The following RAB19 variants were observed in gnomAD, a reference collection of about 807,000 sequenced individuals.
RAB19 encodes ras-related protein Rab-19.
Under a neutral mutation model 17.3 loss-of-function variants are expected in RAB19, and 21 were observed. The observed-to-expected ratio is 1.21, with a 90% confidence interval of 0.86 to 1.74. The LOEUF (loss-of-function observed/expected upper bound fraction) is 1.74. RAB19 is among the 40% of genes most tolerant of loss of function. The probability of loss-of-function intolerance (pLI) is 0.00; values close to 1 mark genes in which losing one functional copy is unlikely to be tolerated. For synonymous variants in RAB19, 126 were observed against 110.4 expected (o/e 1.14, Z -0.88); for missense variants, 277 against 286.8 (o/e 0.97, Z 0.25).
chr7:140,421,029 A>T (rs547704863), intron 3 of RAB19, among the ~76,000 whole-genome samples: 121 of 151,252 alleles, frequency 8.0e-4, no homozygotes, highest in African/African-American at 2.7e-3. Flanking sequence ...AGTAGCTGGG[A>T]TTATAGGCGC....
intron 3 of RAB19, among the ~76,000 whole-genome samples, chr7:140,418,428 C>T (rs1031968405): frequency 1.8e-4 from 27 of 147,702 alleles, no homozygotes; most frequent in Admixed American, 3.4e-4. Context: ...AAAAATTAGC[C>T]GGGCGTGGCA....
chr7:140,407,554 T>C (rs1799265881), intron 1 of RAB19, 70 bp from the exon 2 acceptor site: 1 of 1,111,172 alleles, frequency 9.0e-7, no homozygotes, highest in Middle Eastern at 2.3e-4. Context: ...GTGAAGGTAA[T>C]GACCTCCCTT....
At chr7:140,418,520 G>A (rs1799502454) in intron 3 of RAB19, among the ~76,000 whole-genome samples, 1 of 151,160 alleles carries the variant, frequency 6.6e-6, no homozygotes, top group Non-Finnish European at 1.5e-5. Flanking sequence ...AGGTTGCGGT[G>A]AGCCGAGATT....
rs74881626 is a variant in RAB19, at chr7:140,425,861, C to T, written c.386-21C>T. 1.0e-3 allele frequency: 1,662 copies of T among 1,591,356 alleles called. 15 individuals carry two copies. In the African/African-American group the frequency reaches 0.019, roughly 18 times the overall value. On this transcript the variant is annotated intron_variant, in intron 3 of 3. Coordinates refer to ENST00000537763, the MANE Select transcript of RAB19 (RefSeq NM_001008749.3). ...CAGATTAAGTTACTCAATGGAATAT[C>T]GGCTTATCTTTTCCTTCCAGGAAAT...
At chr7:140,413,083 A>G (rs551106946) in intron 3 of RAB19, among the ~76,000 whole-genome samples, 3 of 152,030 alleles carry the variant, frequency 2.0e-5, no homozygotes, top group Non-Finnish European at 2.9e-5. Context: ...CTGAGACTAT[A>G]CCATTGCACT....
intron 1 of RAB19, among the ~76,000 whole-genome samples, chr7:140,405,340 C>G (rs534595491): frequency 1.9e-4 from 29 of 152,144 alleles, no homozygotes; most frequent in Admixed American, 4.6e-4. Flanking sequence ...CCTGCCTTAG[C>G]CTCCCAAGTA....
At chr7:140,421,930 C>T (rs1430659405) in intron 3 of RAB19, among the ~76,000 whole-genome samples, 1 of 152,162 alleles carries the variant, frequency 6.6e-6, no homozygotes, top group African/African-American at 2.4e-5. Context: ...TAATTGAAAT[C>T]ATCAAGATTA....
intron 3 of RAB19, among the ~76,000 whole-genome samples, chr7:140,418,577 TAA>T (rs1323234231): frequency 2.7e-4 from 34 of 126,894 alleles, no homozygotes; most frequent in Admixed American, 2.4e-4. Context: ...CTCTGTCTCT[TAA>T]AAAAAAAAAA....
intron 3 of RAB19, 107 bp from the exon 4 acceptor site, chr7:140,425,775 A>C (rs1799654602): frequency 8.5e-7 from 1 of 1,175,104 alleles, no homozygotes; most frequent in Non-Finnish European, 1.2e-6. Flanking sequence ...TTTGTGAATG[A>C]ATGCATGCAT....
At chr7:140,415,725 G>A (rs1427235950) in intron 3 of RAB19, among the ~76,000 whole-genome samples, 1 of 151,752 alleles carries the variant, frequency 6.6e-6, no homozygotes, top group African/African-American at 2.4e-5. Context: ...GGCCAAGGCG[G>A]GCGGATTATT....
At chr7:140,412,425 C>T (rs10262391) in intron 3 of RAB19, among the ~76,000 whole-genome samples, 11,574 of 152,022 alleles carry the variant, frequency 0.076, 852 homozygotes, top group African/African-American at 0.19. Context: ...GCACTCCAGC[C>T]CGGGTGACAG....
At chr7:140,418,892 C>G (rs934492434) in intron 3 of RAB19, among the ~76,000 whole-genome samples, 1 of 151,388 alleles carries the variant, frequency 6.6e-6, no homozygotes, top group Non-Finnish European at 1.5e-5. Flanking sequence ...CCAGCCCACT[C>G]TTCTCCCCCA....
intron 1 of RAB19, among the ~76,000 whole-genome samples, chr7:140,405,330 C>T (rs922206679): frequency 7.9e-5 from 12 of 152,160 alleles, no homozygotes; most frequent in African/African-American, 2.9e-4. Context: ...AAGCCATTCT[C>T]CTGCCTTAGC....
intron 1 of RAB19, among the ~76,000 whole-genome samples, chr7:140,405,818 A>T (rs1245079092): frequency 2.0e-5 from 3 of 152,048 alleles, no homozygotes; most frequent in Non-Finnish European, 4.4e-5. Flanking sequence ...GAATACTAAG[A>T]AATAATTTTT....
intron 2 of RAB19, 66 bp downstream of exon 2, chr7:140,407,913 G>A: frequency 8.8e-7 from 1 of 1,142,772 alleles, no homozygotes. Flanking sequence ...TTTTCCTTGA[G>A]ACGGAGTCTC....
rs910736617 is a variant in RAB19 at position 140,412,034 on chromosome 7, C to T, written c.362C>T (p.Ala121Val). Reference protein sequence around the residue: ...WIHEIEKYGAANVVIMLIGNK... With the variant: ...WIHEIEKYGAVNVVIMLIGNK... The stretch of plus-strand genomic sequence containing the variant: ...CATGAGATAGAGAAATATGGAGCTG[C>T]AAATGTGGTCATTATGCTGATTGGT... The change falls in exon 3 of 4, where the codon GCA (alanine) becomes GTA (valine). Residue 121 changes from alanine (A) to valine (V), a missense_variant. Coordinates refer to ENST00000537763, the MANE Select transcript of RAB19 (RefSeq NM_001008749.3). 9.9e-6 allele frequency: 16 copies of T among 1,612,600 alleles called. No homozygotes were observed. In the Admixed American group the frequency reaches 1.3e-4, roughly 13 times the overall value.
At position 140,411,946 on chromosome 7, in the gene RAB19, G is replaced by T. The variant is rs189143966; in HGVS notation, c.274G>T (p.Ala92Ser). 2 of 1,614,074 alleles carry T rather than the reference G, an allele frequency of 1.2e-6. No individual in the cohort carries two copies. The highest frequency in any genetic ancestry group is 3.3e-5 in the Admixed American group (2 of 59,982). ...ITQSYYRSAH[A>S]AIIAYDLTRR... Reference sequence around the variant, plus strand: ...CCAAAGCTACTACCGCAGTGCCCACGCAGCCATCATCGCCTATGACCTCAC... The same window carrying T: ...CCAAAGCTACTACCGCAGTGCCCACTCAGCCATCATCGCCTATGACCTCAC... The change falls in exon 3 of 4, where the codon GCA becomes TCA. Residue 92 changes from alanine to serine, a missense_variant. By Grantham distance (99) the Ala-to-Ser change is moderately conservative. Transcript: ENST00000537763.
Position 140,427,141 on chromosome 7 carries a change from CTTTTTTTTTTTT to C in RAB19, c.*1001_*1012del, listed in dbSNP as rs34940659. ...ACAGGCATGAGCCACCATGCCTGTT[CTTTTTTTTTTTT>C]TTTTTTTTTGAGACTGAGTCTCACT... On this transcript the variant is annotated 3_prime_UTR_variant, in exon 4 of 4. Coordinates refer to ENST00000537763, the MANE Select transcript of RAB19 (RefSeq NM_001008749.3). Among the ~76,000 whole-genome samples, 29 of 94,438 alleles carry C rather than the reference CTTTTTTTTTTTT, an allele frequency of 3.1e-4. No homozygotes were observed. The highest frequency in any genetic ancestry group is 4.8e-4 in the Non-Finnish European group (24 of 49,944). The allele number at this position is 94,438 out of a possible 152,430, so 62.0% of individuals were successfully genotyped here.
Position 140,420,437 on chromosome 7 carries a change from A to G in RAB19, c.386-5445A>G, listed in dbSNP as rs545486430. ...CTCCATATCAAAAAAAAAAAAAAAA[A>G]AAGAAGAAGAAGAAGGAGCAGAAGG... On this transcript the variant is annotated intron_variant, in intron 3 of 3. Transcript: ENST00000537763. 3.9e-3 allele frequency among the ~76,000 whole-genome samples: 592 copies of G among 149,908 alleles called. 2 individuals carry two copies. The highest frequency in any genetic ancestry group is 1.0e-2 in the African/African-American group (404 of 40,448).
Sources: allele counts gnomAD v4.1 joint callset (sites outside exome capture counted in the v4.1 genomes callset), GRCh38; gene constraint gnomAD v4.1.1; transcripts MANE v1.5; gene names NCBI Gene and HGNC (gene_info 2026-07-23, HGNC 2026-07-21).